Variants in ANKRD13A observed in about 807,000 individuals in gnomAD.
ANKRD13A encodes ankyrin repeat domain 13A, also known as ankyrin repeat domain-containing protein 13A.
In ANKRD13A, 48 loss-of-function variants were observed where a neutral mutation model predicts 81.3. The ratio of observed to expected loss-of-function variants is 0.59; its 90% confidence interval spans 0.47 to 0.75. The LOEUF (loss-of-function observed/expected upper bound fraction) is 0.75. ANKRD13A is among the 30% of genes least tolerant of loss of function. The pLI is 0.00. For synonymous variants in ANKRD13A, 230 were observed against 270.1 expected (o/e 0.85, Z 1.45); for missense variants, 612 against 734.0 (o/e 0.83, Z 1.92).
At chr12:110,012,269 G>C (rs890594274) in intron 2 of ANKRD13A, 132 bp downstream of exon 2, 3 of 1,082,272 alleles carry the variant, frequency 2.8e-6, no homozygotes, top group Admixed American at 2.6e-5. Context: ...GGAGGCTGAG[G>C]GGGTAGGATC....
intron 6 of ANKRD13A, among the ~76,000 whole-genome samples, chr12:110,023,098 C>T (rs1891157024): frequency 6.6e-6 from 1 of 152,214 alleles, no homozygotes; most frequent in East Asian, 1.9e-4. Context: ...CCCTGAGCTT[C>T]CTGCATGACA....
chr12:110,016,297 C>A, intron 3 of ANKRD13A, 91 bp from the exon 4 acceptor site: 17 of 903,834 alleles, frequency 1.9e-5, no homozygotes, highest in Admixed American at 2.8e-5. Context: ...TTTTTTTTAA[C>A]CCAGGGTTTT....
chr12:110,037,656 A>T lies in ANKRD13A; in HGVS notation c.*102A>T. On this transcript the variant is annotated 3_prime_UTR_variant, in exon 15 of 15. Transcript: ENST00000261739. ...GGCTAAGGGCCTGCACCTTGCGTGCATGCAGCAGGCAACAACTGCCCCTTC... is the reference window on the plus strand; with the variant it reads ...GGCTAAGGGCCTGCACCTTGCGTGCTTGCAGCAGGCAACAACTGCCCCTTC... The T allele has an allele frequency of 8.1e-7, 1 of 1,229,268 alleles. No homozygotes were observed. Among genetic ancestry groups the T allele is most frequent in the Admixed American group, 2.6e-5 (1 of 38,734 alleles). 76.1% of individuals were successfully genotyped at this position (1,229,268 alleles called of 1,614,324 possible).
At chr12:110,002,000 G>A (rs1404344323) in intron 1 of ANKRD13A, among the ~76,000 whole-genome samples, 1 of 146,142 alleles carries the variant, frequency 6.8e-6, no homozygotes, top group Non-Finnish European at 1.5e-5. Context: ...GGCTGGTCTT[G>A]AACTCTTGTA....
At chr12:110,012,656 G>A (rs1202098521) in intron 2 of ANKRD13A, among the ~76,000 whole-genome samples, 1 of 152,146 alleles carries the variant, frequency 6.6e-6, no homozygotes, top group African/African-American at 2.4e-5. Flanking sequence ...CATCAAAATA[G>A]GCAAAAATCA....
At position 110,018,678 on chromosome 12, in the gene ANKRD13A, T is replaced by C. The variant is rs538049343; in HGVS notation, c.544+190T>C. 6.8e-4 allele frequency among the ~76,000 whole-genome samples: 103 copies of C among 152,328 alleles called. No homozygotes were observed. The highest frequency in any genetic ancestry group is 3.7e-3 in the South Asian group (18 of 4,834). Reference sequence around the variant, plus strand: ...TTCTTGTCTGGCTAGCTCTCCTTCATGTGTCCTTTACCACCCAGCAGTTAC... The same window carrying C: ...TTCTTGTCTGGCTAGCTCTCCTTCACGTGTCCTTTACCACCCAGCAGTTAC... On this transcript the variant is annotated intron_variant, in intron 5 of 14. Transcript: ENST00000261739. This position sits in a 1 kb window ranked among gnomAD's most constrained non-coding sequence, Gnocchi z 4.4.
chr12:110,033,700 T>G, intron 12 of ANKRD13A, 97 bp from the exon 13 acceptor site: 1 of 1,180,936 alleles, frequency 8.5e-7, no homozygotes, highest in Non-Finnish European at 1.2e-6. Context: ...GTTATAATTT[T>G]GAGCCTTTCT....
At chr12:110,012,347 T>C (rs1201214310) in intron 2 of ANKRD13A, among the ~76,000 whole-genome samples, 1 of 152,088 alleles carries the variant, frequency 6.6e-6, no homozygotes, top group Non-Finnish European at 1.5e-5. Flanking sequence ...CCCTGGGCAA[T>C]AGAGCAAGAA....
At chr12:110,028,325 C>CCATT in intron 9 of ANKRD13A, 187 bp from the exon 10 acceptor site, 1 of 524,068 alleles carries the variant, frequency 1.9e-6, no homozygotes, top group Middle Eastern at 5.1e-4. Flanking sequence ...ATGAAGAAAT[C>CCATT]CATTACACTT....
chr12:109,999,898 C>G lies in ANKRD13A; in HGVS notation c.96+114C>G, dbSNP rs1889861515. 1 of 966,660 alleles carries G rather than the reference C, an allele frequency of 1.0e-6. No individual in the cohort carries two copies. Among genetic ancestry groups the G allele is most frequent in the Non-Finnish European group, 1.5e-6 (1 of 683,950 alleles). The allele number at this position is 966,660 out of a possible 1,614,324, so 59.9% of individuals were successfully genotyped here. A position where few individuals can be genotyped will look rare whatever the true frequency, so the allele number is the denominator to read the frequency against. On this transcript the variant is annotated intron_variant, in intron 1 of 14. Coordinates refer to ENST00000261739, the MANE Select transcript of ANKRD13A (RefSeq NM_033121.2). The surrounding 1 kb of genome is among the most constrained non-coding windows in gnomAD (Gnocchi z 4.3). ...TGTCCCCGGGATCCCCAGACCCCTT[C>G]CACTTTGCAGGTGTGGGACAGTCCT...
At chr12:110,006,708 T>C (rs1239429515) in intron 1 of ANKRD13A, among the ~76,000 whole-genome samples, 1 of 152,224 alleles carries the variant, frequency 6.6e-6, no homozygotes, top group South Asian at 2.1e-4. Context: ...GCAATTTTCC[T>C]GCCTCAGCCT....
At chr12:110,025,964 C>CTCT (rs1891298269) in intron 8 of ANKRD13A, 141 bp downstream of exon 8, 2 of 505,152 alleles carry the variant, frequency 4.0e-6, no homozygotes, top group South Asian at 2.8e-5. Flanking sequence ...CTCTCTCTCT[C>CTCT]TTTTTTTTTT....
At position 110,038,834 on chromosome 12, in the gene ANKRD13A, G is replaced by A. The variant is rs1299539454; in HGVS notation, c.*1280G>A. ...ACAGAACCCTGGGGAATACAGCCAA[G>A]GGCACTGCTCACTGTGGCCCGTGTA... is the stretch of plus-strand genomic sequence containing the variant. On this transcript the variant is annotated 3_prime_UTR_variant, in exon 15 of 15. Transcript: ENST00000261739. 3 of 152,114 alleles carry A rather than the reference G, an allele frequency of 2.0e-5. No individual in the cohort carries two copies. The highest frequency in any genetic ancestry group is 4.4e-5 in the Non-Finnish European group (3 of 68,030). The allele number at this position is 152,114 out of a possible 1,614,324, so 9.4% of individuals were successfully genotyped here. A position where few individuals can be genotyped will look rare whatever the true frequency, so the allele number is the denominator to read the frequency against.
intron 1 of ANKRD13A, among the ~76,000 whole-genome samples, chr12:110,001,303 G>A (rs1889961377): frequency 6.6e-6 from 1 of 151,790 alleles, no homozygotes; most frequent in Non-Finnish European, 1.5e-5. Context: ...TCTTATGGTT[G>A]ACAAAAATTG....
Position 110,016,403 on chromosome 12 carries a change from G to T in ANKRD13A, c.370G>T (p.Val124Leu), listed in dbSNP as rs1181752186. 2 of 1,591,986 alleles carry T rather than the reference G, an allele frequency of 1.3e-6. No homozygotes were observed. The highest frequency in any genetic ancestry group is 2.3e-5 in the South Asian group (2 of 88,594). ...QKILEAPDFY[V>L]QMKWEFTSWV... The stretch of plus-strand genomic sequence containing the variant: ...TGCCCTTCAGGCTCCGGATTTCTAT[G>T]TGCAGATGAAATGGGAATTCACCAG... The change falls in exon 4 of 15, where the codon GTG (valine) becomes TTG (leucine). Residue 124 changes from valine (V) to leucine (L), a missense_variant. Val to Leu is a conservative substitution (Grantham distance 32). Transcript: ENST00000261739.
At chr12:110,002,689 G>A (rs868231303) in intron 1 of ANKRD13A, among the ~76,000 whole-genome samples, 1 of 152,194 alleles carries the variant, frequency 6.6e-6, no homozygotes, top group Non-Finnish European at 1.5e-5. Flanking sequence ...TGTTTTGTTT[G>A]CTGGTGAGTT....
intron 1 of ANKRD13A, among the ~76,000 whole-genome samples, chr12:110,004,315 A>G (rs73205044): frequency 0.082 from 12,510 of 151,928 alleles, 551 homozygotes; most frequent in Middle Eastern, 0.13. Flanking sequence ...CTAAATGATC[A>G]GTTTCGAAAG....
intron 1 of ANKRD13A, among the ~76,000 whole-genome samples, chr12:110,003,851 C>T (rs567040753): frequency 8.6e-5 from 13 of 151,958 alleles, no homozygotes; most frequent in African/African-American, 1.2e-4. Context: ...AGTAAGACTC[C>T]GTCTCCTTAA....
intron 3 of ANKRD13A, among the ~76,000 whole-genome samples, chr12:110,015,415 C>A (rs1057045555): frequency 6.6e-6 from 1 of 152,320 alleles, no homozygotes; most frequent in East Asian, 1.9e-4. Context: ...AGGTGGTTAC[C>A]CACATTTGCT....
Sources: allele counts gnomAD v4.1 joint callset (sites outside exome capture counted in the v4.1 genomes callset), GRCh38; gene constraint gnomAD v4.1.1; non-coding constraint Gnocchi (gnomAD v3.1); transcripts MANE v1.5; gene names NCBI Gene and HGNC (gene_info 2026-07-23, HGNC 2026-07-21).